LMX1B: variants seen among roughly 807,000 people sequenced by gnomAD.
The protein encoded by LMX1B is LIM homeobox transcription factor 1-beta.
In LMX1B, 12 loss-of-function variants were observed where a neutral mutation model predicts 51.4. That is an observed-to-expected ratio of 0.23 (90% CI 0.15 to 0.38). LMX1B has a LOEUF of 0.38. Ranked by LOEUF, LMX1B falls within the 10% of genes least tolerant of loss-of-function variation. LMX1B has a pLI of 1.00. For missense variants in LMX1B, 445 were observed against 571.1 expected (o/e 0.78, Z 2.25); for synonymous variants, 237 against 235.4 (o/e 1.01, Z -0.06).
chr9:126,645,657 C>T (rs189298795), intron 2 of LMX1B, among the ~76,000 whole-genome samples: 226 of 152,284 alleles, frequency 1.5e-3, no homozygotes, highest in African/African-American at 5.1e-3. Context: ...GGGTGGAAGA[C>T]CTGCCCTCCA....
chr9:126,670,530 A>T (rs1054508228), intron 2 of LMX1B, among the ~76,000 whole-genome samples: 2 of 152,216 alleles, frequency 1.3e-5, no homozygotes, highest in African/African-American at 4.8e-5. Flanking sequence ...GCAGATGCAG[A>T]TGGACAGGTA....
At chr9:126,691,477 A>G (rs1056887517) in intron 3 of LMX1B, among the ~76,000 whole-genome samples, 2 of 152,216 alleles carry the variant, frequency 1.3e-5, no homozygotes, top group Non-Finnish European at 2.9e-5. Flanking sequence ...GCATACATAC[A>G]CATACACACA....
At chr9:126,688,547 AC>A (rs2029994415) in intron 2 of LMX1B, among the ~76,000 whole-genome samples, 1 of 152,054 alleles carries the variant, frequency 6.6e-6, no homozygotes, top group Non-Finnish European at 1.5e-5. Flanking sequence ...GGGGAGGACC[AC>A]CCTCCATGTC....
At chr9:126,675,781 G>A (rs1836544726) in intron 2 of LMX1B, among the ~76,000 whole-genome samples, 2 of 148,650 alleles carry the variant, frequency 1.3e-5, no homozygotes, top group African/African-American at 2.5e-5. Context: ...CGGGCGCGGT[G>A]GCTCACGCCT....
intron 2 of LMX1B, among the ~76,000 whole-genome samples, chr9:126,622,715 G>A (rs1351760594): frequency 6.6e-6 from 1 of 152,220 alleles, no homozygotes; most frequent in Non-Finnish European, 1.5e-5. Flanking sequence ...GAGCTGCCCA[G>A]GCCTTTGGGG....
At chr9:126,663,528 T>G (rs1278482223) in intron 2 of LMX1B, among the ~76,000 whole-genome samples, 2 of 152,216 alleles carry the variant, frequency 1.3e-5, no homozygotes, top group African/African-American at 4.8e-5. Flanking sequence ...GCAAGGAATT[T>G]GACCTCTTTG....
chr9:126,668,815 C>A (rs1295726530), intron 2 of LMX1B, among the ~76,000 whole-genome samples: 1 of 152,202 alleles, frequency 6.6e-6, no homozygotes, highest in Non-Finnish European at 1.5e-5. Flanking sequence ...ACCTCTTGTC[C>A]CCCTAACCCC....
chr9:126,638,307 G>T (rs569315801), intron 2 of LMX1B, among the ~76,000 whole-genome samples: 1 of 152,300 alleles, frequency 6.6e-6, no homozygotes, highest in Admixed American at 6.5e-5. Flanking sequence ...GTGCCCGGAT[G>T]GAGTTTCCCT....
intron 2 of LMX1B, among the ~76,000 whole-genome samples, chr9:126,686,259 A>G (rs1429336383): frequency 6.8e-6 from 1 of 148,070 alleles, no homozygotes; most frequent in Non-Finnish European, 1.5e-5. Flanking sequence ...CAGCCTGGGC[A>G]ACAGAGTGAG....
In LMX1B at chr9:126,673,566, G is replaced by T. The variant is rs1311534046; in HGVS notation, c.327-17270G>T. Among the ~76,000 whole-genome samples, 1 of 152,138 alleles carries T rather than the reference G, an allele frequency of 6.6e-6. No homozygotes were observed. The highest frequency in any genetic ancestry group is 2.4e-5 in the African/African-American group (1 of 41,420). On this transcript the variant is annotated intron_variant, in intron 2 of 7. Transcript: ENST00000373474. The surrounding 1 kb of genome is among the most constrained non-coding windows in gnomAD (Gnocchi z 4.4). Reference sequence around the variant, plus strand: ...TTGGGGCCAAACATGAGGCCACGGGGTTTTTGAGGGGGTGGTTCCCCAGGC... The same window carrying T: ...TTGGGGCCAAACATGAGGCCACGGGTTTTTTGAGGGGGTGGTTCCCCAGGC...
Position 126,621,655 on chromosome 9 carries a change from C to CT in LMX1B, c.326+6112dup, listed in dbSNP as rs71377950. On this transcript the variant is annotated intron_variant, in intron 2 of 7. Transcript: ENST00000373474. Reference sequence around the variant, plus strand: ...TAGGGTTTTTCTCTCTCTCTCTCTTCTTTTTTTTTTTTTTTTTTTTTTTTT... The same window carrying CT: ...TAGGGTTTTTCTCTCTCTCTCTCTTCTTTTTTTTTTTTTTTTTTTTTTTTTT... Among the ~76,000 whole-genome samples the CT allele has an allele frequency of 8.6e-3, 999 of 116,782 alleles. 60 individuals carry two copies. Among genetic ancestry groups the CT allele is most frequent in the African/African-American group, 0.037 (913 of 24,986 alleles). The allele number at this position is 116,782 out of a possible 152,430, so 76.6% of individuals were successfully genotyped here.
chr9:126,632,480 C>T lies in LMX1B; in HGVS notation c.326+16911C>T, dbSNP rs1017843105. On this transcript the variant is annotated intron_variant, in intron 2 of 7. Transcript: ENST00000373474. ...AGCAGGGCAGGAGCCTGTGGCTGTG[C>T]TCGGGCGTTTGGATTTTATCCTGTG... Among the ~76,000 whole-genome samples the T allele has an allele frequency of 9.2e-5, 14 of 152,148 alleles. No individual in the cohort carries two copies. The East Asian group carries it at 2.7e-3, about 29-fold the overall frequency.
intron 2 of LMX1B, among the ~76,000 whole-genome samples, chr9:126,685,775 T>C (rs138074067): frequency 1.3e-5 from 2 of 152,144 alleles, no homozygotes; most frequent in African/African-American, 4.8e-5. Flanking sequence ...GGAGAGTTGA[T>C]AACAGTGATC....
chr9:126,686,522 G>A (rs1464103543), intron 2 of LMX1B, among the ~76,000 whole-genome samples: 1 of 152,194 alleles, frequency 6.6e-6, no homozygotes, highest in Non-Finnish European at 1.5e-5. Flanking sequence ...TCCCCTGGAG[G>A]GGAAAAATGT....
chr9:126,627,808 T>A (rs1327391350), intron 2 of LMX1B, among the ~76,000 whole-genome samples: 4 of 152,154 alleles, frequency 2.6e-5, no homozygotes, highest in Non-Finnish European at 4.4e-5. Flanking sequence ...GGACTTGTCC[T>A]GTTGTAGCAG....
intron 2 of LMX1B, among the ~76,000 whole-genome samples, chr9:126,670,907 C>T (rs1483826495): frequency 2.0e-5 from 3 of 152,220 alleles, no homozygotes; most frequent in Non-Finnish European, 4.4e-5. Context: ...GTGCGTGTCA[C>T]AGGTGAATTA....
intron 2 of LMX1B, among the ~76,000 whole-genome samples, chr9:126,670,010 G>T (rs1419403357): frequency 6.6e-6 from 1 of 152,182 alleles, no homozygotes; most frequent in African/African-American, 2.4e-5. Context: ...AACTAGGGGT[G>T]AGGTCACCCA....
chr9:126,622,329 G>A (rs1241424872), intron 2 of LMX1B, among the ~76,000 whole-genome samples: 1 of 152,212 alleles, frequency 6.6e-6, no homozygotes, highest in Non-Finnish European at 1.5e-5. Flanking sequence ...CCAGTGCTGT[G>A]AGAGAGGCTT....
intron 2 of LMX1B, among the ~76,000 whole-genome samples, chr9:126,616,375 A>G (rs915939051): frequency 3.3e-5 from 5 of 152,146 alleles, no homozygotes; most frequent in Non-Finnish European, 5.9e-5. Context: ...CTTGCTAACT[A>G]GTTTTTAGCT....
Sources: allele counts gnomAD v4.1 joint callset (sites outside exome capture counted in the v4.1 genomes callset), GRCh38; gene constraint gnomAD v4.1.1; non-coding constraint Gnocchi (gnomAD v3.1); transcripts MANE v1.5; gene names NCBI Gene and HGNC (gene_info 2026-07-23, HGNC 2026-07-21).